The following TRIM62 variants were observed in gnomAD, a reference collection of about 807,000 sequenced individuals.
TRIM62 encodes the protein tripartite motif containing 62.
A neutral mutation model predicts 44.2 loss-of-function variants in TRIM62; 39 were observed. The ratio of observed to expected loss-of-function variants is 0.88; its 90% CI spans 0.68 to 1.15. The LOEUF is 1.15. TRIM62 is among the 50% of genes most tolerant of loss of function. TRIM62 has a pLI of 0.00. For synonymous variants in TRIM62, 278 were observed against 292.3 expected, an observed-to-expected ratio of 0.95 and a Z score of 0.50; for missense variants, 544 against 665.5, an observed-to-expected ratio of 0.82 and a Z score of 2.01.
intron 4 of TRIM62, among the ~76,000 whole-genome samples, chr1:33,153,950 A>C (rs1385632908): frequency 6.6e-6 from 1 of 152,220 alleles, no homozygotes; most frequent in Non-Finnish European, 1.5e-5. Context: ...AGACAATGAC[A>C]AAACAGTGAG....
At chr1:33,178,975 G>A (rs1323055240) in intron 1 of TRIM62, among the ~76,000 whole-genome samples, 1 of 152,226 alleles carries the variant, frequency 6.6e-6, no homozygotes, top group African/African-American at 2.4e-5. Flanking sequence ...ACAAGGAGGG[G>A]AGAGATCAGA....
At chr1:33,148,688 A>G (rs1645053289) in intron 4 of TRIM62, among the ~76,000 whole-genome samples, 1 of 152,224 alleles carries the variant, frequency 6.6e-6, no homozygotes, top group South Asian at 2.1e-4. Flanking sequence ...ACATATACAC[A>G]CACAACACTT....
intron 4 of TRIM62, among the ~76,000 whole-genome samples, chr1:33,151,223 G>A (rs1645092857): frequency 1.3e-5 from 2 of 152,114 alleles, no homozygotes; most frequent in Non-Finnish European, 2.9e-5. Context: ...CAGCCCTGGC[G>A]AGCGGACCTG....
chr1:33,158,854 T>A (rs998232769), intron 3 of TRIM62, among the ~76,000 whole-genome samples: 5 of 152,086 alleles, frequency 3.3e-5, no homozygotes, highest in Non-Finnish European at 7.3e-5. Flanking sequence ...TTCTTTTTTT[T>A]TTTGAGACAG....
chr1:33,147,264 G>A lies in TRIM62; in HGVS notation c.1341C>T (p.Gly447=), dbSNP rs759270033. 6.2e-7 allele frequency: 1 copy of A among 1,614,040 alleles called. No individual in the cohort carries two copies. Among genetic ancestry groups the A allele is most frequent in the African/African-American group, 1.3e-5 (1 of 74,938 alleles). Residue 447 remains glycine, a synonymous_variant, in exon 5 of 5, where the codon GGC becomes GGT. Transcript: ENST00000291416. The surrounding 1 kb of genome is among the most constrained non-coding windows in gnomAD (Gnocchi z 8.1). ...CAGGGCTGAAGTAAGAGCAGAGCTTGCCAGGGAACTTCTCGCGGAAGGTGT... is the reference window on the plus strand; with the variant it reads ...CAGGGCTGAAGTAAGAGCAGAGCTTACCAGGGAACTTCTCGCGGAAGGTGT... ...WLYTFREKFP[G]KLCSYFSPGQ... is the part of the protein sequence containing the mutation.
intron 4 of TRIM62, among the ~76,000 whole-genome samples, chr1:33,149,719 T>G (rs1429557675): frequency 1.3e-5 from 2 of 152,226 alleles, no homozygotes; most frequent in Admixed American, 6.5e-5. Context: ...CCTCTCACAG[T>G]GCTGGGATTA....
chr1:33,145,783 C>A lies in TRIM62; in HGVS notation c.*1394G>T. 1 of 455,906 alleles carries A rather than the reference C, an allele frequency of 2.2e-6. No homozygotes were observed. 28.2% of individuals were successfully genotyped at this position (455,906 alleles called of 1,614,324 possible). A position where few individuals can be genotyped will look rare whatever the true frequency, so the allele number is the denominator to read the frequency against. On this transcript the variant is annotated 3_prime_UTR_variant, in exon 5 of 5. Coordinates refer to ENST00000291416, the MANE Select transcript of TRIM62 (RefSeq NM_018207.3). ...CAACCCTAGATGTGGACTCCACCCTCTCCCGAGTTCTTCACGATTGGATGC... is the reference window on the plus strand; with the variant it reads ...CAACCCTAGATGTGGACTCCACCCTATCCCGAGTTCTTCACGATTGGATGC...
At chr1:33,168,318 A>C (rs1039157781) in intron 1 of TRIM62, among the ~76,000 whole-genome samples, 6 of 152,226 alleles carry the variant, frequency 3.9e-5, no homozygotes, top group Non-Finnish European at 7.3e-5. Flanking sequence ...CGAGTCCCTG[A>C]TGACTGTGGG....
Position 33,146,699 on chromosome 1 carries a change from A to G in TRIM62, c.*478T>C, listed in dbSNP as rs1645025341. 2 of 176,616 alleles carry G rather than the reference A, an allele frequency of 1.1e-5. No individual in the cohort carries two copies. The highest frequency in any genetic ancestry group is 2.4e-5 in the Non-Finnish European group (2 of 81,830). The allele number at this position is 176,616 out of a possible 1,614,324, so 10.9% of individuals were successfully genotyped here. On this transcript the variant is annotated 3_prime_UTR_variant, in exon 5 of 5. Transcript: ENST00000291416. ...ACCCTAGGACCAGGTACTACCTGTG[A>G]CCACTGTGGACTGGGGTCAAGGGTA...
chr1:33,165,485 G>C lies in TRIM62; in HGVS notation c.490C>G (p.Leu164Val). 1.9e-6 allele frequency: 3 copies of C among 1,606,510 alleles called. No homozygotes were observed. The highest frequency in any genetic ancestry group is 1.9e-4 in the Middle Eastern group (1 of 5,364). ...TEALQLLKRQLAETKSSTKSL... is the reference protein window; with the variant it reads ...TEALQLLKRQVAETKSSTKSL... The stretch of plus-strand genomic sequence containing the variant: ...GCCAGGCTCACCTTGGTCTCCGCCA[G>C]TTGTCGCTTGAGCAGCTGCAGCGCT... The change falls in exon 2 of 5, where the codon CTG becomes GTG. Residue 164 changes from leucine to valine, a missense_variant. Transcript: ENST00000291416. The surrounding 1 kb of genome is among the most constrained non-coding windows in gnomAD (Gnocchi z 4.0).
At chr1:33,171,401 T>C (rs1269951991) in intron 1 of TRIM62, among the ~76,000 whole-genome samples, 1 of 152,000 alleles carries the variant, frequency 6.6e-6, no homozygotes, top group Non-Finnish European at 1.5e-5. Flanking sequence ...GAGGGGGAAA[T>C]TGAGGCTCAG....
Position 33,181,346 on chromosome 1 carries a change from GTAA to G in TRIM62, c.84_86del (p.Tyr29del). 2 of 1,587,764 alleles carry G rather than the reference GTAA, an allele frequency of 1.3e-6. No homozygotes were observed. Among genetic ancestry groups the G allele is most frequent in the Non-Finnish European group, 1.7e-6 (2 of 1,170,738 alleles). On this transcript the variant is annotated inframe_deletion, in exon 1 of 5. Coordinates refer to ENST00000291416, the MANE Select transcript of TRIM62 (RefSeq NM_018207.3). The surrounding 1 kb of genome is among the most constrained non-coding windows in gnomAD (Gnocchi z 6.5). Reference sequence around the variant, plus strand: ...GCTCCGTGATGCAGCGGCGGCAGAAGTAATGCTCGCAGCCCAGGCTCACCGGGT... The same window carrying G: ...GCTCCGTGATGCAGCGGCGGCAGAAGTGCTCGCAGCCCAGGCTCACCGGGT...
intron 1 of TRIM62, 139 bp downstream of exon 1, chr1:33,180,886 G>T: frequency 1.7e-6 from 1 of 592,794 alleles, no homozygotes; most frequent in Non-Finnish European, 2.7e-6. Flanking sequence ...CTCCTGATAG[G>T]GCCCTGACCT....
Position 33,147,938 on chromosome 1 carries a change from G to T in TRIM62, c.878-211C>A, listed in dbSNP as rs1429547122. ...GTTAAGGTCCTTCCAGATATTGTCT[G>T]CAGGGGAGCAGGGGCTACAGCTGCT... On this transcript the variant is annotated intron_variant, in intron 4 of 4. Transcript: ENST00000291416. The surrounding 1 kb of genome is among the most constrained non-coding windows in gnomAD (Gnocchi z 8.1). 6.6e-6 allele frequency among the ~76,000 whole-genome samples: 1 copy of T among 152,206 alleles called. No homozygotes were observed. Among genetic ancestry groups the T allele is most frequent in the Non-Finnish European group, 1.5e-5 (1 of 68,030 alleles).
Position 33,159,288 on chromosome 1 carries a change from TTTATA to T in TRIM62, c.761+395_761+399del, listed in dbSNP as rs748715206. 1.3e-5 allele frequency among the ~76,000 whole-genome samples: 2 copies of T among 152,056 alleles called. No homozygotes were observed. The highest frequency in any genetic ancestry group is 2.4e-5 in the African/African-American group (1 of 41,404). ...CATAAATAAAATAATATGTAATATA[TTTATA>T]TTATGATTGTAAACACTATTAAATG... On this transcript the variant is annotated intron_variant, in intron 3 of 4. Coordinates refer to ENST00000291416, the MANE Select transcript of TRIM62 (RefSeq NM_018207.3). This position sits in a 1 kb window ranked among gnomAD's most constrained non-coding sequence, Gnocchi z 4.2.
Position 33,181,054 on chromosome 1 carries a change from C to T in TRIM62, c.379G>A (p.Gly127Ser), listed in dbSNP as rs1480582137. Residue 127 changes from glycine (G) to serine (S), a missense_variant, in exon 1 of 5, where the codon GGC becomes AGC. Transcript: ENST00000291416. The surrounding 1 kb of genome is among the most constrained non-coding windows in gnomAD (Gnocchi z 6.5). ...PALHEQHQVT[G>S]IDDAFDELQR... Reference sequence around the variant, plus strand: ...AGCTCGTCGAAGGCGTCGTCGATGCCGGTGACCTGATGCTGCTCGTGCAGT... The same window carrying T: ...AGCTCGTCGAAGGCGTCGTCGATGCTGGTGACCTGATGCTGCTCGTGCAGT... The T allele has an allele frequency of 1.9e-6, 3 of 1,596,336 alleles. No individual in the cohort carries two copies. Among genetic ancestry groups the T allele is most frequent in the Admixed American group, 1.7e-5 (1 of 59,688 alleles).
At chr1:33,176,996 C>G (rs530085646) in intron 1 of TRIM62, among the ~76,000 whole-genome samples, 1 of 152,250 alleles carries the variant, frequency 6.6e-6, no homozygotes, top group East Asian at 1.9e-4. Context: ...TCCAGGTACT[C>G]AGCAGTGGAG....
At chr1:33,178,354 G>A (rs1645437144) in intron 1 of TRIM62, among the ~76,000 whole-genome samples, 1 of 152,218 alleles carries the variant, frequency 6.6e-6, no homozygotes, top group African/African-American at 2.4e-5. Flanking sequence ...GGAGAGGCAG[G>A]TGGGGTGGAG....
chr1:33,165,175 C>T lies in TRIM62; in HGVS notation c.504+296G>A, dbSNP rs1416598758. On this transcript the variant is annotated intron_variant, in intron 2 of 4. Coordinates refer to ENST00000291416, the MANE Select transcript of TRIM62 (RefSeq NM_018207.3). The surrounding 1 kb of genome is among the most constrained non-coding windows in gnomAD (Gnocchi z 4.0). ...GGAGGCAGGGGGTTTCCGGAGGGTC[C>T]CGGGACCCGCCTCAACTTCCACCCA... 3.4e-6 allele frequency: 1 copy of T among 292,472 alleles called. No individual in the cohort carries two copies. The highest frequency in any genetic ancestry group is 2.2e-5 in the African/African-American group (1 of 45,402). The allele number at this position is 292,472 out of a possible 1,614,324, so 18.1% of individuals were successfully genotyped here.
Sources: gnomAD v4.1 joint callset for allele counts (sites outside exome capture counted in the v4.1 genomes callset) on GRCh38, gnomAD v4.1.1 for gene constraint, Gnocchi (gnomAD v3.1) non-coding constraint, MANE v1.5 for transcripts, NCBI Gene and HGNC (gene_info 2026-07-23, HGNC 2026-07-21) for gene names.